Variants in SPATA13 observed in about 807,000 individuals in gnomAD.
SPATA13 encodes spermatogenesis associated 13, also known as spermatogenesis-associated protein 13.
A neutral mutation model predicts 104.0 loss-of-function variants in SPATA13; 50 were observed. That is an observed-to-expected ratio of 0.48 (90% CI 0.38 to 0.61). The LOEUF (loss-of-function observed/expected upper bound fraction) is 0.61. Among genes scored for constraint, SPATA13 ranks in the 20% least tolerant of loss-of-function variants. The pLI, the probability that SPATA13 is intolerant of heterozygous loss-of-function variation, is 0.00. For synonymous variants in SPATA13, 606 were observed against 667.5 expected (o/e 0.91, Z 1.42); for missense variants, 1,524 against 1,690.6 (o/e 0.90, Z 1.73).
intron 1 of SPATA13, among the ~76,000 whole-genome samples, chr13:24,182,380 G>C (rs1868868655): frequency 6.6e-6 from 1 of 152,148 alleles, no homozygotes; most frequent in Non-Finnish European, 1.5e-5. Flanking sequence ...AGGCTGTACA[G>C]GAAACATAGT....
Position 24,160,924 on chromosome 13 carries a change from C to T in SPATA13, c.-120C>T. On this transcript the variant is annotated 5_prime_UTR_variant, in exon 1 of 13. Coordinates refer to ENST00000382108, the MANE Select transcript of SPATA13 (RefSeq NM_001166271.3). ...ACTTTGTAGGCTCCGCCAAGAGGCG[C>T]CGCAGGAGGTAAGACGGCTTCGGGC... The T allele has an allele frequency of 1.0e-6, 1 of 985,754 alleles. No individual in the cohort carries two copies. The highest frequency in any genetic ancestry group is 1.2e-6 in the Non-Finnish European group (1 of 830,230). 61.1% of individuals were successfully genotyped at this position (985,754 alleles called of 1,614,324 possible).
rs561448710 is a variant in SPATA13, at chr13:24,093,727, T to A, written c.-112+76026T>A. On this transcript the variant is annotated intron_variant, in intron 3 of 14. Coordinates refer to the SPATA13 transcript ENST00000424834. The stretch of plus-strand genomic sequence containing the variant: ...TTTCTATTTATTTTAATGTTACAAT[T>A]TTATGAAAAGCTTGGTTGCTTTAAG... 2.6e-5 allele frequency among the ~76,000 whole-genome samples: 4 copies of A among 152,282 alleles called. No homozygotes were observed. The East Asian group carries it at 7.7e-4, about 29-fold the overall frequency.
chr13:24,043,478 TTA>T lies in SPATA13; in HGVS notation c.-112+25778_-112+25779del, dbSNP rs1491225703. Among the ~76,000 whole-genome samples the T allele has an allele frequency of 2.1e-4, 3 of 14,094 alleles. No homozygotes were observed. The Admixed American group carries it at 4.3e-3, about 20-fold the overall frequency. The allele number at this position is 14,094 out of a possible 152,430, so 9.2% of individuals were successfully genotyped here. On this transcript the variant is annotated intron_variant, in intron 3 of 14. Coordinates refer to the SPATA13 transcript ENST00000424834. ...CCCAGGTTCTGGACCTTGATTGATA[TTA>T]CACACACACACACACCCATGAACAC...
chr13:24,296,805 G>C lies in SPATA13; in HGVS notation c.3211-558G>C, dbSNP rs1035782896. ...CACTGTCACATTTTTCTAGTAAGCA[G>C]GAAAAAAAAAAGAAAAGGAAGAAAT... is the stretch of plus-strand genomic sequence containing the variant. On this transcript the variant is annotated intron_variant, in intron 10 of 12. Transcript: ENST00000382108. 2.5e-4 allele frequency among the ~76,000 whole-genome samples: 37 copies of C among 150,420 alleles called. 1 individual carries two copies. The highest frequency in any genetic ancestry group is 5.3e-4 in the Admixed American group (8 of 15,148).
chr13:23,990,491 T>A (rs1223983198), intron 2 of SPATA13, among the ~76,000 whole-genome samples: 1 of 152,176 alleles, frequency 6.6e-6, no homozygotes, highest in Non-Finnish European at 1.5e-5. Flanking sequence ...TTGAATCTGC[T>A]CCTTTTTCTG....
At chr13:24,203,702 G>A (rs536475856) in intron 1 of SPATA13, among the ~76,000 whole-genome samples, 7 of 151,798 alleles carry the variant, frequency 4.6e-5, no homozygotes, top group South Asian at 4.2e-4. Flanking sequence ...CTTTTTTGTT[G>A]GTAGGTATTT....
At chr13:24,237,973 C>CAATATATAAACATACATGTTTAAATATGA (rs1555271418) in intron 2 of SPATA13, among the ~76,000 whole-genome samples, 1 of 139,980 alleles carries the variant, frequency 7.1e-6, no homozygotes, top group Non-Finnish European at 1.6e-5. Context: ...TTTAAATATG[C>CAATATATAAACATACATGTTTAAATATGA]AATATATAAA....
intron 2 of SPATA13, among the ~76,000 whole-genome samples, chr13:24,242,032 A>C (rs1405226676): frequency 6.6e-6 from 1 of 151,862 alleles, no homozygotes; most frequent in Admixed American, 6.6e-5. Flanking sequence ...AATCTGAATG[A>C]CAGAGTGAGA....
chr13:24,283,281 C>T (rs890762669), intron 4 of SPATA13, among the ~76,000 whole-genome samples: 3 of 152,194 alleles, frequency 2.0e-5, no homozygotes, highest in Non-Finnish European at 4.4e-5. Flanking sequence ...ATTGCATCCC[C>T]TTAAAGACAA....
In SPATA13 at chr13:24,249,788, G is replaced by T; in HGVS notation, c.1965G>T (p.Gly655=). 1 of 1,613,728 alleles carries T rather than the reference G, an allele frequency of 6.2e-7. No individual in the cohort carries two copies. Among genetic ancestry groups the T allele is most frequent in the African/African-American group, 1.3e-5 (1 of 75,034 alleles). Residue 655 remains glycine (G), a synonymous_variant, in exon 3 of 13, where the codon GGG becomes GGT. Coordinates refer to ENST00000382108, the MANE Select transcript of SPATA13 (RefSeq NM_001166271.3). ...RRRRPISVIG[G]VSLYGTNQTE... is the part of the protein sequence containing the mutation. ...GGCGCCCCATTTCCGTGATAGGTGG[G>T]GTCAGCTTGTATGGGACCAACCAGA...
intron 3 of SPATA13, among the ~76,000 whole-genome samples, chr13:24,093,491 TC>T (rs1443280988): frequency 6.6e-6 from 1 of 152,214 alleles, no homozygotes; most frequent in East Asian, 1.9e-4. Context: ...TATTAAATGG[TC>T]CCAATACAGA....
intron 3 of SPATA13, among the ~76,000 whole-genome samples, chr13:24,026,963 G>A (rs1877248856): frequency 6.6e-6 from 1 of 151,450 alleles, no homozygotes; most frequent in Non-Finnish European, 1.5e-5. Flanking sequence ...AGTTTTTGAG[G>A]GTACTCTGTT....
intron 3 of SPATA13, among the ~76,000 whole-genome samples, chr13:24,028,882 A>G (rs374730758): frequency 2.0e-3 from 305 of 152,256 alleles, no homozygotes; most frequent in African/African-American, 6.3e-3. Context: ...TTCTAAAAAT[A>G]TCCTTGCTCA....
chr13:24,157,347 G>A (rs561381477), upstream of SPATA13, among the ~76,000 whole-genome samples: 1 of 152,244 alleles, frequency 6.6e-6, no homozygotes, highest in African/African-American at 2.4e-5. Flanking sequence ...CACCCAGGCT[G>A]GAGTGCAGGG....
At position 24,173,425 on chromosome 13, in the gene SPATA13, T is replaced by C. The variant is rs2476208; in HGVS notation, c.-112+12493T>C. 4.8e-3 allele frequency among the ~76,000 whole-genome samples: 731 copies of C among 151,716 alleles called. 3 individuals carry two copies. Among genetic ancestry groups the C allele is most frequent in the African/African-American group, 0.016 (677 of 41,354 alleles). ...GTGGTAGATTTCTTGAGATTTTCTA[T>C]GTGGGCAATCATGTCATGTACAAAT... On this transcript the variant is annotated intron_variant, in intron 1 of 12. Coordinates refer to ENST00000382108, the MANE Select transcript of SPATA13 (RefSeq NM_001166271.3).
At chr13:24,111,658 G>A (rs1880642844) in intron 3 of SPATA13, among the ~76,000 whole-genome samples, 2 of 152,314 alleles carry the variant, frequency 1.3e-5, no homozygotes, top group Middle Eastern at 3.4e-3. Context: ...CGCCTGCCTT[G>A]GCCTCCCAAA....
In SPATA13 at chr13:24,286,079, A is replaced by G. The variant is rs1875913969; in HGVS notation, c.2302-135A>G. On this transcript the variant is annotated intron_variant, in intron 5 of 12. Coordinates refer to ENST00000382108, the MANE Select transcript of SPATA13 (RefSeq NM_001166271.3). The surrounding 1 kb of genome is among the most constrained non-coding windows in gnomAD (Gnocchi z 4.9). ...TCTTTGTGTAACCAGTCACATAGTC[A>G]GTGTGGACCAAATGCCACCAGCATA... The G allele has an allele frequency of 2.6e-6, 2 of 756,604 alleles. No individual in the cohort carries two copies. Among genetic ancestry groups the G allele is most frequent in the African/African-American group, 1.8e-5 (1 of 56,626 alleles). 46.9% of individuals were successfully genotyped at this position (756,604 alleles called of 1,614,324 possible). A position where few individuals can be genotyped will look rare whatever the true frequency, so the allele number is the denominator to read the frequency against.
chr13:24,055,922 G>A (rs375704888), intron 3 of SPATA13, among the ~76,000 whole-genome samples: 5 of 152,202 alleles, frequency 3.3e-5, no homozygotes, highest in African/African-American at 7.2e-5. Flanking sequence ...TGGCAATGCC[G>A]TGCCTTTTTA....
intron 1 of SPATA13, among the ~76,000 whole-genome samples, chr13:24,207,373 T>C (rs1490530586): frequency 1.3e-5 from 2 of 152,172 alleles, no homozygotes; most frequent in Non-Finnish European, 2.9e-5. Context: ...ACCCCTGAAC[T>C]TAAAATAAAA....
Sources: allele counts gnomAD v4.1 joint callset (sites outside exome capture counted in the v4.1 genomes callset), GRCh38; gene constraint gnomAD v4.1.1; non-coding constraint Gnocchi (gnomAD v3.1); transcripts MANE v1.5; gene names NCBI Gene and HGNC (gene_info 2026-07-23, HGNC 2026-07-21).